Variants in KCNIP4 observed in about 807,000 individuals in gnomAD.
The protein encoded by KCNIP4 is potassium voltage-gated channel interacting protein 4.
KCNIP4 carries 12 observed loss-of-function variants against 34.0 expected under a neutral mutation model. That is an observed-to-expected ratio of 0.35 (90% CI 0.23 to 0.57). KCNIP4 has a LOEUF of 0.57. KCNIP4 is among the 20% of genes least tolerant of loss of function. The pLI is 0.83. For synonymous variants in KCNIP4, 124 were observed against 102.2 expected, an observed-to-expected ratio of 1.21 and a Z score of -1.29; for missense variants, 238 against 311.7, an observed-to-expected ratio of 0.76 and a Z score of 1.78.
chr4:20,886,718 A>C (rs1725354235), intron 1 of KCNIP4, among the ~76,000 whole-genome samples: 1 of 152,206 alleles, frequency 6.6e-6, no homozygotes, highest in East Asian at 1.9e-4. Flanking sequence ...GCCATAGTGT[A>C]TCACTGAGGT....
intron 1 of KCNIP4, among the ~76,000 whole-genome samples, chr4:21,681,850 G>A (rs542057944): frequency 1.4e-4 from 22 of 151,968 alleles, no homozygotes; most frequent in African/African-American, 5.1e-4. Context: ...AAGTAAGAGA[G>A]AGTGAGGGAG....
intron 1 of KCNIP4, among the ~76,000 whole-genome samples, chr4:21,202,546 G>A (rs1756566547): frequency 6.6e-6 from 1 of 152,112 alleles, no homozygotes; most frequent in African/African-American, 2.4e-5. Context: ...ATATACCTTT[G>A]TAACAAACTT....
chr4:21,409,892 C>T (rs547860176), intron 1 of KCNIP4, among the ~76,000 whole-genome samples: 2 of 151,746 alleles, frequency 1.3e-5, no homozygotes, highest in South Asian at 2.1e-4. Flanking sequence ...CAGACCAAAG[C>T]GAAGAGGAAG....
chr4:21,703,774 A>G (rs1713049463), intron 1 of KCNIP4, among the ~76,000 whole-genome samples: 1 of 152,212 alleles, frequency 6.6e-6, no homozygotes. Context: ...TAAAGATGTC[A>G]GTTCTTTACT....
At chr4:21,770,222 GT>G (rs1198555645) in intron 1 of KCNIP4, among the ~76,000 whole-genome samples, 1 of 152,016 alleles carries the variant, frequency 6.6e-6, no homozygotes, top group Non-Finnish European at 1.5e-5. Flanking sequence ...GTGGTGTTTG[GT>G]TTTCCATTCC....
At chr4:21,836,252 G>A (rs922335399) in intron 1 of KCNIP4, among the ~76,000 whole-genome samples, 1 of 152,078 alleles carries the variant, frequency 6.6e-6, no homozygotes, top group Non-Finnish European at 1.5e-5. Context: ...TAAACAAGAA[G>A]GACTCAGCTG....
At chr4:21,511,074 G>A (rs983274282) in intron 1 of KCNIP4, among the ~76,000 whole-genome samples, 68 of 151,550 alleles carry the variant, frequency 4.5e-4, no homozygotes, top group African/African-American at 1.5e-3. Flanking sequence ...ATAATAAATC[G>A]TTTGCCACAT....
chr4:21,477,582 A>AAT (rs1319505455), intron 1 of KCNIP4, among the ~76,000 whole-genome samples: 2 of 152,154 alleles, frequency 1.3e-5, no homozygotes, highest in South Asian at 2.1e-4. Context: ...GACAAAGGTG[A>AAT]ATATATATAT....
chr4:21,337,367 G>A (rs1239507229), intron 1 of KCNIP4, among the ~76,000 whole-genome samples: 1 of 152,082 alleles, frequency 6.6e-6, no homozygotes, highest in Non-Finnish European at 1.5e-5. Flanking sequence ...AATTTCTTCT[G>A]AGGCCAATAG....
At chr4:21,829,923 A>G (rs1334444931) in intron 1 of KCNIP4, among the ~76,000 whole-genome samples, 3 of 152,166 alleles carry the variant, frequency 2.0e-5, no homozygotes, top group Non-Finnish European at 4.4e-5. Flanking sequence ...GAAAAAGAGG[A>G]AGAAAGGAAC....
intron 1 of KCNIP4, among the ~76,000 whole-genome samples, chr4:21,221,967 A>T (rs966504443): frequency 3.9e-5 from 6 of 152,178 alleles, no homozygotes; most frequent in African/African-American, 1.4e-4. Flanking sequence ...GGTAACATTC[A>T]GTGGAAAGCT....
chr4:21,665,532 A>G (rs913615243), intron 1 of KCNIP4, among the ~76,000 whole-genome samples: 6 of 140,432 alleles, frequency 4.3e-5, no homozygotes, highest in African/African-American at 1.5e-4. Flanking sequence ...CTCATTTTAT[A>G]CATGTATTTT....
Position 20,729,292 on chromosome 4 carries a change from G to GCCTTCTTCAACTTCCACTTAAT in KCNIP4, c.*768_*789dup, listed in dbSNP as rs879683018. 5.9e-5 allele frequency: 9 copies of GCCTTCTTCAACTTCCACTTAAT among 151,964 alleles called. No individual in the cohort carries two copies. The Admixed American group carries it at 6.0e-4, about 10-fold the overall frequency. 9.4% of individuals were successfully genotyped at this position (151,964 alleles called of 1,614,324 possible). A position where few individuals can be genotyped will look rare whatever the true frequency, so the allele number is the denominator to read the frequency against. On this transcript the variant is annotated 3_prime_UTR_variant, in exon 9 of 9. Transcript: ENST00000382152. ...TGTAAACATCCTTGTTTTGTTTGAT[G>GCCTTCTTCAACTTCCACTTAAT]CCTTCTTCAACTTCCACTTAATGAT...
chr4:21,487,788 C>T (rs547539081), intron 1 of KCNIP4, among the ~76,000 whole-genome samples: 2 of 152,190 alleles, frequency 1.3e-5, no homozygotes, highest in Admixed American at 1.3e-4. Flanking sequence ...TGCAAATTAT[C>T]CCACCTTTGG....
intron 1 of KCNIP4, among the ~76,000 whole-genome samples, chr4:21,827,514 G>A (rs1240367835): frequency 6.6e-6 from 1 of 151,994 alleles, no homozygotes; most frequent in East Asian, 1.9e-4. Flanking sequence ...AAAACAAAGT[G>A]AAAGCAGAAA....
chr4:20,936,278 C>T (rs1373770240), intron 1 of KCNIP4, among the ~76,000 whole-genome samples: 1 of 152,140 alleles, frequency 6.6e-6, no homozygotes, highest in Non-Finnish European at 1.5e-5. Context: ...CAGTTTCCAT[C>T]CTGGCAGACC....
chr4:21,893,227 C>T (rs893320706), intron 1 of KCNIP4, among the ~76,000 whole-genome samples: 9 of 152,120 alleles, frequency 5.9e-5, no homozygotes, highest in Non-Finnish European at 1.0e-4. Context: ...AAGGGCAGAA[C>T]GCCTTCCTAG....
At chr4:21,291,700 A>T (rs1295156526) in intron 1 of KCNIP4, among the ~76,000 whole-genome samples, 1 of 151,756 alleles carries the variant, frequency 6.6e-6, no homozygotes, top group African/African-American at 2.4e-5. Context: ...TACAAAAAAA[A>T]AAAATTAGCC....
chr4:21,752,940 T>C (rs1392182969), intron 1 of KCNIP4, among the ~76,000 whole-genome samples: 1 of 152,212 alleles, frequency 6.6e-6, no homozygotes, highest in Admixed American at 6.5e-5. Context: ...CCCTGCTGCA[T>C]AGCATATTGA....
Sources: allele counts gnomAD v4.1 joint callset (sites outside exome capture counted in the v4.1 genomes callset), GRCh38; gene constraint gnomAD v4.1.1; transcripts MANE v1.5; gene names NCBI Gene and HGNC (gene_info 2026-07-23, HGNC 2026-07-21).